ELMO1: variants seen among roughly 807,000 people sequenced by gnomAD.
The protein encoded by ELMO1 is engulfment and cell motility protein 1.
In ELMO1, 26 loss-of-function variants were observed where a neutral mutation model predicts 98.9. The observed-to-expected ratio is 0.26, with a 90% CI of 0.19 to 0.36. The LOEUF (loss-of-function observed/expected upper bound fraction) is 0.36. ELMO1 is among the 10% of genes least tolerant of loss of function. The pLI, the probability that ELMO1 is intolerant of heterozygous loss-of-function variation, is 1.00. For missense variants in ELMO1, 627 were observed against 935.2 expected (o/e 0.67, Z 4.30); for synonymous variants, 346 against 346.0 (o/e 1.00, Z 0.00).
At chr7:36,969,076 T>G (rs1161056637) in intron 16 of ELMO1, among the ~76,000 whole-genome samples, 2 of 152,114 alleles carry the variant, frequency 1.3e-5, no homozygotes, top group African/African-American at 4.8e-5. Flanking sequence ...TTTGAAAAAG[T>G]TGCATGGATA....
chr7:37,279,511 G>C lies in ELMO1; in HGVS notation c.193-7629C>G, dbSNP rs185588091. Among the ~76,000 whole-genome samples, 43 of 152,282 alleles carry C rather than the reference G, an allele frequency of 2.8e-4. No homozygotes were observed. In the East Asian group the frequency reaches 8.3e-3, roughly 29 times the overall value. ...CCGGGAGACACCCCAAATACTGTGAGTGCCCCAACTGTGGAAGTAGGAAAG... is the reference window on the plus strand; with the variant it reads ...CCGGGAGACACCCCAAATACTGTGACTGCCCCAACTGTGGAAGTAGGAAAG... On this transcript the variant is annotated intron_variant, in intron 4 of 21. Transcript: ENST00000310758.
chr7:37,127,722 G>A (rs1786624571), intron 14 of ELMO1, among the ~76,000 whole-genome samples: 1 of 152,086 alleles, frequency 6.6e-6, no homozygotes, highest in Non-Finnish European at 1.5e-5. Context: ...TTTTTCTTAA[G>A]TATTTCTTAT....
chr7:37,043,806 G>A (rs1795656158), intron 15 of ELMO1, among the ~76,000 whole-genome samples: 1 of 152,012 alleles, frequency 6.6e-6, no homozygotes, highest in Non-Finnish European at 1.5e-5. Flanking sequence ...AGCACACAAG[G>A]AACTGGGGCC....
intron 4 of ELMO1, among the ~76,000 whole-genome samples, chr7:37,280,808 C>G (rs1455299355): frequency 1.3e-5 from 2 of 151,980 alleles, no homozygotes; most frequent in Non-Finnish European, 2.9e-5. Context: ...CTTAAAGAAC[C>G]AGAAGTAGAA....
intron 16 of ELMO1, among the ~76,000 whole-genome samples, chr7:36,964,553 C>T (rs1030269598): frequency 2.0e-5 from 3 of 152,174 alleles, no homozygotes; most frequent in Non-Finnish European, 2.9e-5. Context: ...TAAGTCTGTA[C>T]ATTAGGTTTA....
chr7:37,101,188 T>C (rs1407813309), intron 14 of ELMO1, among the ~76,000 whole-genome samples: 1 of 152,174 alleles, frequency 6.6e-6, no homozygotes, highest in Non-Finnish European at 1.5e-5. Flanking sequence ...TGTTTTAGCA[T>C]GACAGGCAGA....
intron 16 of ELMO1, among the ~76,000 whole-genome samples, chr7:36,897,132 A>G (rs1390484653): frequency 6.6e-6 from 1 of 152,216 alleles, no homozygotes; most frequent in African/African-American, 2.4e-5. Flanking sequence ...TAGACACAGC[A>G]CTGGGCCTAA....
chr7:37,068,420 GCCAATGT>G (rs1797097325), intron 15 of ELMO1, among the ~76,000 whole-genome samples: 1 of 152,118 alleles, frequency 6.6e-6, no homozygotes, highest in South Asian at 2.1e-4. Context: ...GTTGACAGTG[GCCAATGT>G]ATATGACACT....
intron 14 of ELMO1, among the ~76,000 whole-genome samples, chr7:37,101,633 A>G (rs1195808177): frequency 6.6e-6 from 1 of 152,172 alleles, no homozygotes; most frequent in Admixed American, 6.5e-5. Context: ...AGGGGCTCTT[A>G]GGTACCTTCC....
In ELMO1 at chr7:37,123,280, A is replaced by G. The variant is rs373797312; in HGVS notation, c.1191+9850T>C. On this transcript the variant is annotated intron_variant, in intron 14 of 21. Transcript: ENST00000310758. The stretch of plus-strand genomic sequence containing the variant: ...AGCTAGCAGAAGGCAAGAAGTAACT[A>G]AGATCAGAGCAGAACTGAAGGAGAT... Among the ~76,000 whole-genome samples the G allele has an allele frequency of 1.4e-4, 21 of 152,340 alleles. 1 individual carries two copies. The East Asian group carries it at 2.5e-3, about 18-fold the overall frequency.
chr7:36,933,295 A>C (rs1463573873), intron 16 of ELMO1, among the ~76,000 whole-genome samples: 1 of 152,122 alleles, frequency 6.6e-6, no homozygotes, highest in Non-Finnish European at 1.5e-5. Context: ...ATTTTTAAGG[A>C]TATTAATCCA....
intron 16 of ELMO1, among the ~76,000 whole-genome samples, chr7:36,992,639 C>T (rs1791953637): frequency 6.6e-6 from 1 of 152,186 alleles, no homozygotes; most frequent in Admixed American, 6.5e-5. Flanking sequence ...AGCTTCTTCA[C>T]CATCGGAAAA....
rs1005869775 is a variant in ELMO1 at position 37,358,394 on chromosome 7, C to T, written c.-73-15631G>A. 7.9e-5 allele frequency among the ~76,000 whole-genome samples: 12 copies of T among 152,114 alleles called. No homozygotes were observed. The East Asian group carries it at 2.1e-3, about 27-fold the overall frequency. On this transcript the variant is annotated intron_variant, in intron 1 of 21. Transcript: ENST00000310758. ...AAACTAATGACAATAAAAACAAGTA[C>T]ACAAATACAGACACACAAATCCCTA...
intron 6 of ELMO1, among the ~76,000 whole-genome samples, chr7:37,255,984 C>CCT (rs1374481873): frequency 6.6e-6 from 1 of 152,160 alleles, no homozygotes; most frequent in East Asian, 1.9e-4. Flanking sequence ...AACTCGTCCT[C>CCT]CTCCTCTGCT....
At chr7:37,252,467 A>G (rs1033572919) in intron 6 of ELMO1, among the ~76,000 whole-genome samples, 3 of 152,218 alleles carry the variant, frequency 2.0e-5, no homozygotes, top group Admixed American at 1.3e-4. Flanking sequence ...CCTGATAAAA[A>G]CAAGCAATGG....
intron 1 of ELMO1, among the ~76,000 whole-genome samples, chr7:37,392,381 G>A (rs1284093543): frequency 6.6e-6 from 1 of 152,186 alleles, no homozygotes; most frequent in Non-Finnish European, 1.5e-5. Flanking sequence ...AGGAACACAA[G>A]ATCCCAGATC....
chr7:37,091,758 C>T (rs192095517), intron 15 of ELMO1, among the ~76,000 whole-genome samples: 15 of 152,288 alleles, frequency 9.8e-5, no homozygotes, highest in South Asian at 2.1e-4. Context: ...CACAGCACCA[C>T]GTGGCTGGGG....
chr7:37,029,806 T>C (rs920150055), intron 15 of ELMO1, among the ~76,000 whole-genome samples: 83 of 152,302 alleles, frequency 5.4e-4, no homozygotes, highest in Middle Eastern at 3.4e-3. Flanking sequence ...GAGGCATGTA[T>C]AGATTCTGCC....
chr7:37,437,979 C>CAAAAAAAAAAAAAAAAA (rs57418239), intron 1 of ELMO1, among the ~76,000 whole-genome samples: 8 of 18,056 alleles, frequency 4.4e-4, no homozygotes, highest in African/African-American at 9.6e-4. Context: ...GACTCCGTCT[C>CAAAAAAAAAAAAAAAAA]AAAAAAAAAA....
Sources: gnomAD v4.1 joint callset for allele counts (sites outside exome capture counted in the v4.1 genomes callset) on GRCh38, gnomAD v4.1.1 for gene constraint, MANE v1.5 for transcripts, NCBI Gene and HGNC (gene_info 2026-07-23, HGNC 2026-07-21) for gene names.